The following JAK2 variants were observed in gnomAD, a reference collection of about 807,000 sequenced individuals.
JAK2 encodes the protein Janus kinase 2.
In JAK2, 86 loss-of-function variants were observed where a neutral mutation model predicts 139.3. The ratio of observed to expected loss-of-function variants is 0.62; its 90% confidence interval spans 0.52 to 0.74. The LOEUF is 0.74. Ranked by LOEUF, JAK2 falls within the 30% of genes least tolerant of loss-of-function variation. The probability of loss-of-function intolerance (pLI) is 0.00; values close to 1 mark genes in which losing one functional copy is unlikely to be tolerated. For missense variants in JAK2, 1,421 were observed against 1,360.3 expected, an observed-to-expected ratio of 1.04 and a Z score of -0.70; for synonymous variants, 490 against 437.7, an observed-to-expected ratio of 1.12 and a Z score of -1.49.
At chr9:5,049,074 T>C (rs1041208998) in intron 5 of JAK2, among the ~76,000 whole-genome samples, 18 of 152,314 alleles carry the variant, frequency 1.2e-4, no homozygotes, top group African/African-American at 3.8e-4. Flanking sequence ...AGACAATATA[T>C]AGTTAATAAA....
intron 4 of JAK2, among the ~76,000 whole-genome samples, chr9:5,032,910 A>G (rs575951381): frequency 3.3e-5 from 5 of 152,244 alleles, no homozygotes; most frequent in African/African-American, 4.8e-5. Flanking sequence ...GACTTTGACA[A>G]GTTGAGAGAA....
intron 4 of JAK2, chr9:5,041,737 C>G (rs940914752): frequency 4.1e-6 from 2 of 492,266 alleles, no homozygotes; most frequent in Non-Finnish European, 4.0e-6. Context: ...AAGCCCTTGG[C>G]GACCCCCATC....
chr9:5,037,183 C>T (rs554627227), intron 4 of JAK2, among the ~76,000 whole-genome samples: 6 of 152,016 alleles, frequency 3.9e-5, no homozygotes, highest in East Asian at 1.9e-4. Context: ...GTTAGAATGG[C>T]GATCATTAAA....
chr9:5,104,523 C>T (rs940961815), intron 22 of JAK2, among the ~76,000 whole-genome samples: 3 of 152,150 alleles, frequency 2.0e-5, no homozygotes, highest in South Asian at 4.1e-4. Flanking sequence ...CTATTCCAAT[C>T]AATGGAAAAA....
chr9:5,021,131 C>T (rs916642682), intron 2 of JAK2, among the ~76,000 whole-genome samples: 1 of 152,214 alleles, frequency 6.6e-6, no homozygotes, highest in African/African-American at 2.4e-5. Flanking sequence ...TGTGCAGGCT[C>T]TCTAGGCTTC....
At chr9:5,103,500 T>A (rs537739391) in intron 22 of JAK2, among the ~76,000 whole-genome samples, 1 of 152,100 alleles carries the variant, frequency 6.6e-6, no homozygotes, top group Admixed American at 6.5e-5. Context: ...CTGTCAATAA[T>A]AGACAGATCA....
chr9:5,072,401 A>G (rs1346231979), intron 12 of JAK2, 91 bp from the exon 13 acceptor site: 1 of 940,034 alleles, frequency 1.1e-6, no homozygotes, highest in Admixed American at 3.1e-5. Flanking sequence ...TTATGGATTT[A>G]AAAAAATTCT....
intron 22 of JAK2, among the ~76,000 whole-genome samples, chr9:5,120,247 GCC>G (rs1187971727): frequency 6.6e-6 from 1 of 152,190 alleles, no homozygotes; most frequent in African/African-American, 2.4e-5. Flanking sequence ...TCTCATAAGG[GCC>G]TTAATCCTAT....
chr9:5,090,254 G>A (rs1326734360), intron 20 of JAK2, among the ~76,000 whole-genome samples, 192 bp from the exon 21 acceptor site: 1 of 152,092 alleles, frequency 6.6e-6, no homozygotes, highest in African/African-American at 2.4e-5. Context: ...TAGTTTCAAA[G>A]CTTTTATTCA....
At chr9:5,007,770 ACT>A (rs1450723942) in intron 2 of JAK2, among the ~76,000 whole-genome samples, 1 of 151,674 alleles carries the variant, frequency 6.6e-6, no homozygotes, top group African/African-American at 2.4e-5. Flanking sequence ...CCCAGGCTGA[ACT>A]GCAGTGGTGT....
chr9:5,128,958 G>C lies in JAK2; in HGVS notation c.*2167G>C, dbSNP rs1824177504. 2.0e-5 allele frequency among the ~76,000 whole-genome samples: 3 copies of C among 151,844 alleles called. No homozygotes were observed. The South Asian group carries it at 6.2e-4, about 31-fold the overall frequency. On this transcript the variant is annotated 3_prime_UTR_variant, in exon 25 of 25. Transcript: ENST00000381652. ...TAAGTTATACAATCTTTATATAAAT[G>C]ACTTTTTCCATGGGTACTTGTTTGG...
At chr9:5,106,259 A>G (rs573412170) in intron 22 of JAK2, among the ~76,000 whole-genome samples, 10 of 152,248 alleles carry the variant, frequency 6.6e-5, no homozygotes, top group Non-Finnish European at 1.2e-4. Context: ...ACACTTCTCA[A>G]AAGAAGGCAT....
chr9:5,009,973 A>G (rs936847273), intron 2 of JAK2, among the ~76,000 whole-genome samples: 4 of 152,212 alleles, frequency 2.6e-5, no homozygotes, highest in Admixed American at 6.5e-5. Flanking sequence ...GGGTCTCGCA[A>G]TGTTGCCGGG....
intron 22 of JAK2, among the ~76,000 whole-genome samples, chr9:5,116,962 A>G (rs192293772): frequency 6.6e-6 from 1 of 152,376 alleles, no homozygotes; most frequent in East Asian, 1.9e-4. Flanking sequence ...CTAAGATGAC[A>G]TTTCAACGAT....
chr9:5,127,463 C>T lies in JAK2; in HGVS notation c.*672C>T, dbSNP rs1485524229. The T allele has an allele frequency of 4.3e-6, 1 of 231,090 alleles. No individual in the cohort carries two copies. The highest frequency in any genetic ancestry group is 1.8e-4 in the South Asian group (1 of 5,486). The allele number at this position is 231,090 out of a possible 1,614,324, so 14.3% of individuals were successfully genotyped here. ...TAGTTTTATTTGTATAGGAAATTTC[C>T]CTGACCCTAAATAATACATTTTGAA... On this transcript the variant is annotated 3_prime_UTR_variant, in exon 25 of 25. Transcript: ENST00000381652.
chr9:5,098,318 T>A, intron 22 of JAK2: 1 of 152,256 alleles, frequency 6.6e-6, no homozygotes, highest in East Asian at 1.9e-4. Flanking sequence ...AGTTAAGTTA[T>A]AGGCTAAATC....
intron 5 of JAK2, among the ~76,000 whole-genome samples, chr9:5,047,849 C>T (rs1312654465): frequency 2.0e-5 from 3 of 152,092 alleles, no homozygotes; most frequent in Non-Finnish European, 4.4e-5. Flanking sequence ...GATCCTCCTA[C>T]CTCAGCCTCC....
In JAK2 at chr9:5,086,224, C is replaced by A; in HGVS notation, c.2572-3450C>A. The A allele has an allele frequency of 6.6e-6, 4 of 609,370 alleles. No individual in the cohort carries two copies. In the South Asian group the frequency reaches 2.0e-4, roughly 31 times the overall value. 37.7% of individuals were successfully genotyped at this position (609,370 alleles called of 1,614,324 possible). ...CCCGCCACCAGCGCGAGGCCACGGT[C>A]GGAGTCTGAAAGTCGCGGTAGGATG... On this transcript the variant is annotated intron_variant, in intron 19 of 24. Coordinates refer to ENST00000381652, the MANE Select transcript of JAK2 (RefSeq NM_004972.4).
intron 22 of JAK2, chr9:5,114,911 C>G (rs1401646107): frequency 1.1e-5 from 2 of 188,466 alleles, no homozygotes; most frequent in African/African-American, 4.8e-5. Context: ...AAGCCACCCC[C>G]AATAAACAGT....
Sources: allele counts gnomAD v4.1 joint callset (sites outside exome capture counted in the v4.1 genomes callset), GRCh38; gene constraint gnomAD v4.1.1; transcripts MANE v1.5; gene names NCBI Gene and HGNC (gene_info 2026-07-23, HGNC 2026-07-21).